The following CDH12 variants were observed in gnomAD, a reference collection of about 807,000 sequenced individuals.
CDH12 encodes the protein cadherin 12, also known as cadherin-12.
In CDH12, 41 loss-of-function variants were observed where a neutral mutation model predicts 74.1. The ratio of observed to expected loss-of-function variants is 0.55; its 90% CI spans 0.43 to 0.72. CDH12 has a LOEUF of 0.72. Ranked by LOEUF, CDH12 falls within the 30% of genes least tolerant of loss-of-function variation. CDH12 has a pLI of 0.00. For missense variants in CDH12, 945 were observed against 977.2 expected, an observed-to-expected ratio of 0.97 and a Z score of 0.44; for synonymous variants, 399 against 355.0, an observed-to-expected ratio of 1.12 and a Z score of -1.39.
At chr5:22,203,883 G>C (rs1193062725) in intron 4 of CDH12, among the ~76,000 whole-genome samples, 1 of 152,102 alleles carries the variant, frequency 6.6e-6, no homozygotes, top group African/African-American at 2.4e-5. Context: ...GTTGGCCATT[G>C]TATGTCCCCC....
At chr5:22,156,848 C>T (rs531706203) in intron 4 of CDH12, among the ~76,000 whole-genome samples, 162 of 152,150 alleles carry the variant, frequency 1.1e-3, no homozygotes, top group African/African-American at 3.8e-3. Context: ...TGTGTTAATG[C>T]GTATTGATTA....
chr5:21,846,221 G>C (rs1342039958), intron 7 of CDH12, among the ~76,000 whole-genome samples: 1 of 152,120 alleles, frequency 6.6e-6, no homozygotes. Flanking sequence ...CCAATCTTTT[G>C]TGCCCTGTGT....
intron 1 of CDH12, among the ~76,000 whole-genome samples, chr5:22,559,364 A>G (rs1030547022): frequency 4.6e-5 from 7 of 152,096 alleles, no homozygotes; most frequent in African/African-American, 1.7e-4. Context: ...CAGCGAAAAA[A>G]TTTTTAAAGT....
intron 4 of CDH12, among the ~76,000 whole-genome samples, chr5:22,129,150 G>T (rs1375918278): frequency 6.6e-6 from 1 of 152,202 alleles, no homozygotes; most frequent in Non-Finnish European, 1.5e-5. Flanking sequence ...TTAAATGTAG[G>T]ATAATAAAGG....
chr5:22,296,106 A>G (rs1203395523), intron 3 of CDH12, among the ~76,000 whole-genome samples: 1 of 149,734 alleles, frequency 6.7e-6, no homozygotes, highest in African/African-American at 2.5e-5. Context: ...GCTTAAAGGG[A>G]AAAAAATATA....
In CDH12 at chr5:22,078,657, A is replaced by G. The variant is rs1742505712; in HGVS notation, c.20T>C (p.Leu7Ser). 6.2e-7 allele frequency: 1 copy of G among 1,613,624 alleles called. No homozygotes were observed. The highest frequency in any genetic ancestry group is 8.5e-7 in the Non-Finnish European group (1 of 1,179,718). ...AAACAGAACCCAGAGAAGCAGGGAT[A>G]AACAGTTCCTTGTAAGCATTGGCAA... MLTRNC[L>S]SLLLWVLFDG... Residue 7 changes from leucine to serine, a missense_variant, in exon 5 of 15, where the codon TTA becomes TCA. Coordinates refer to ENST00000382254, the MANE Select transcript of CDH12 (RefSeq NM_004061.5).
intron 11 of CDH12, among the ~76,000 whole-genome samples, 199 bp from the exon 12 acceptor site, chr5:21,765,298 G>A (rs911387581): frequency 6.6e-6 from 1 of 151,948 alleles, no homozygotes; most frequent in South Asian, 2.1e-4. Context: ...CCAAAGTAAG[G>A]CCAACTATTT....
At chr5:21,853,187 T>C (rs1179546202) in intron 7 of CDH12, among the ~76,000 whole-genome samples, 2 of 151,580 alleles carry the variant, frequency 1.3e-5, no homozygotes, top group African/African-American at 2.4e-5. Context: ...AACATTTTCT[T>C]ATCTTTACTG....
intron 3 of CDH12, among the ~76,000 whole-genome samples, chr5:22,252,377 T>C (rs1580449511): frequency 6.7e-6 from 1 of 149,762 alleles, no homozygotes; most frequent in East Asian, 1.9e-4. Context: ...ATGCCAGTTA[T>C]GTTCCAAACT....
intron 4 of CDH12, among the ~76,000 whole-genome samples, chr5:22,165,277 C>T (rs1455655805): frequency 6.6e-6 from 1 of 152,126 alleles, no homozygotes; most frequent in Non-Finnish European, 1.5e-5. Flanking sequence ...CTCTGTTAAT[C>T]TCCCTTCACT....
intron 1 of CDH12, among the ~76,000 whole-genome samples, chr5:22,623,370 A>G (rs1034668626): frequency 4.6e-5 from 7 of 152,222 alleles, no homozygotes; most frequent in Admixed American, 2.6e-4. Context: ...GAGGAAGTCA[A>G]ATTGTCCCTG....
intron 3 of CDH12, among the ~76,000 whole-genome samples, chr5:22,275,128 G>A (rs969328293): frequency 4.6e-5 from 7 of 152,060 alleles, no homozygotes; most frequent in African/African-American, 1.7e-4. Context: ...GGCCTGTCAG[G>A]AGGTCAGGGG....
At chr5:22,789,493 C>A (rs886486274) in intron 1 of CDH12, among the ~76,000 whole-genome samples, 2 of 151,872 alleles carry the variant, frequency 1.3e-5, no homozygotes, top group Non-Finnish European at 1.5e-5. Context: ...GATGTTAATG[C>A]GAATATTTCC....
chr5:22,487,901 T>C (rs1261333974), intron 2 of CDH12, among the ~76,000 whole-genome samples: 12 of 152,344 alleles, frequency 7.9e-5, no homozygotes, highest in Non-Finnish European at 2.9e-5. Context: ...CATTATGTGC[T>C]TGACTAGTTA....
In CDH12 at chr5:21,755,678, A is replaced by T. The variant is rs375967282; in HGVS notation, c.1798T>A (p.Ser600Thr). Residue 600 changes from serine to threonine, a missense_variant, in exon 14 of 15, where the codon TCT becomes ACT. Coordinates refer to ENST00000382254, the MANE Select transcript of CDH12 (RefSeq NM_004061.5). ...AGAAAAATTGCTTCCACATTACAAG[A>T]CAGGATGGTGCCATCAGAGTCACAT... Reference protein sequence around the residue: ...CRCDSDGTILSCNVEAIFLPV... With the variant: ...CRCDSDGTILTCNVEAIFLPV... 8.1e-6 allele frequency: 13 copies of T among 1,614,008 alleles called. No individual in the cohort carries two copies. In the East Asian group the frequency reaches 1.3e-4, roughly 17 times the overall value.
chr5:22,740,128 AG>A (rs1327281908), intron 1 of CDH12, among the ~76,000 whole-genome samples: 1 of 151,744 alleles, frequency 6.6e-6, no homozygotes, highest in East Asian at 1.9e-4. Flanking sequence ...TAAGAGAAAA[AG>A]TTTCCTTGTT....
intron 2 of CDH12, among the ~76,000 whole-genome samples, chr5:22,490,977 A>C (rs796427763): frequency 2.6e-5 from 4 of 151,956 alleles, no homozygotes; most frequent in African/African-American, 9.7e-5. Flanking sequence ...AAACTTCCTC[A>C]TTTCTATTTG....
chr5:22,737,492 C>A (rs764580340), intron 1 of CDH12, among the ~76,000 whole-genome samples: 2 of 151,472 alleles, frequency 1.3e-5, no homozygotes, highest in East Asian at 3.9e-4. Context: ...CAAACGAGCA[C>A]GTATTTGCGT....
At chr5:22,172,740 TC>T (rs1186155218) in intron 4 of CDH12, among the ~76,000 whole-genome samples, 4 of 151,816 alleles carry the variant, frequency 2.6e-5, no homozygotes, top group Non-Finnish European at 4.4e-5. Flanking sequence ...TGAATGCATT[TC>T]CTTTTTTCTC....
Sources: allele counts gnomAD v4.1 joint callset (sites outside exome capture counted in the v4.1 genomes callset), GRCh38; gene constraint gnomAD v4.1.1; transcripts MANE v1.5; gene names NCBI Gene and HGNC (gene_info 2026-07-23, HGNC 2026-07-21).